ATE1: variants seen among roughly 807,000 people sequenced by gnomAD.
ATE1 encodes arginyl-tRNA--protein transferase 1.
In ATE1, 36 loss-of-function variants were observed where a neutral mutation model predicts 70.5. The observed-to-expected ratio is 0.51, with a 90% CI of 0.39 to 0.67. The LOEUF is 0.67. Ranked by LOEUF, ATE1 falls within the 30% of genes least tolerant of loss-of-function variation. The pLI is 0.00. For missense variants in ATE1, 593 were observed against 629.5 expected (o/e 0.94, Z 0.62); for synonymous variants, 232 against 219.3 (o/e 1.06, Z -0.51).
intron 7 of ATE1, among the ~76,000 whole-genome samples, chr10:121,874,970 C>T (rs1459283017): frequency 1.4e-5 from 2 of 148,146 alleles, no homozygotes; most frequent in African/African-American, 2.5e-5. Context: ...GAAACCCCAT[C>T]TCTACTAAAA....
rs543535745 is a variant in ATE1, at chr10:121,786,918, A to G, written c.1378+3251T>C. On this transcript the variant is annotated intron_variant, in intron 11 of 11. Transcript: ENST00000224652. ...TTCAGTTACTAATTTAAAAAATCTAACAGACTTTTACTTAAAAATCATTTG... is the reference window on the plus strand; with the variant it reads ...TTCAGTTACTAATTTAAAAAATCTAGCAGACTTTTACTTAAAAATCATTTG... 2.2e-4 allele frequency among the ~76,000 whole-genome samples: 34 copies of G among 152,326 alleles called. No homozygotes were observed. In the South Asian group the frequency reaches 6.6e-3, roughly 30 times the overall value.
At chr10:121,836,692 T>C (rs1948445551) in intron 10 of ATE1, 26 bp downstream of exon 10, 1 of 1,356,138 alleles carries the variant, frequency 7.4e-7, no homozygotes, top group Non-Finnish European at 1.0e-6. Flanking sequence ...ATAATAAAAA[T>C]ACACATATGT....
At chr10:121,851,005 G>C (rs1385345699) in intron 8 of ATE1, among the ~76,000 whole-genome samples, 2 of 143,406 alleles carry the variant, frequency 1.4e-5, no homozygotes, top group East Asian at 4.1e-4. Flanking sequence ...GCAGGAGAAT[G>C]GCGTGAACCT....
chr10:121,882,257 A>T (rs995342812), intron 7 of ATE1, among the ~76,000 whole-genome samples: 1 of 152,238 alleles, frequency 6.6e-6, no homozygotes, highest in Non-Finnish European at 1.5e-5. Flanking sequence ...ATGTTCTTTT[A>T]ATTCAGACGA....
Position 121,742,942 on chromosome 10 carries a change from GAAGTA to G in ATE1, c.*733_*737del, listed in dbSNP as rs1395089097. On this transcript the variant is annotated 3_prime_UTR_variant, in exon 12 of 12. Transcript: ENST00000224652. ...AAAAATTCAATTTCTTACATTTTTA[GAAGTA>G]AAGCAAATAATATAACTAGAGTAAT... The G allele has an allele frequency of 6.6e-6, 1 of 152,110 alleles. No homozygotes were observed. The highest frequency in any genetic ancestry group is 2.4e-5 in the African/African-American group (1 of 41,406). 9.4% of individuals were successfully genotyped at this position (152,110 alleles called of 1,614,324 possible).
intron 3 of ATE1, among the ~76,000 whole-genome samples, chr10:121,915,456 A>G (rs1038858939): frequency 6.6e-6 from 1 of 152,190 alleles, no homozygotes; most frequent in African/African-American, 2.4e-5. Flanking sequence ...AGAATAAAAA[A>G]TTTAAGAAAA....
chr10:121,785,127 G>C (rs1321902907), intron 11 of ATE1, among the ~76,000 whole-genome samples: 1 of 152,058 alleles, frequency 6.6e-6, no homozygotes, highest in East Asian at 1.9e-4. Flanking sequence ...TGTTTATTAA[G>C]TATTCAGCAA....
At chr10:121,802,330 A>G (rs2133383541) in intron 10 of ATE1, among the ~76,000 whole-genome samples, 1 of 148,652 alleles carries the variant, frequency 6.7e-6, no homozygotes, top group South Asian at 2.1e-4. Context: ...TTTTTTTTTA[A>G]GAGAATCTTG....
In ATE1 at chr10:121,742,895, A is replaced by C. The variant is rs1244752432; in HGVS notation, c.*785T>G. 6.6e-6 allele frequency: 1 copy of C among 152,266 alleles called. No individual in the cohort carries two copies. The highest frequency in any genetic ancestry group is 1.5e-5 in the Non-Finnish European group (1 of 68,040). 9.4% of individuals were successfully genotyped at this position (152,266 alleles called of 1,614,324 possible). A position where few individuals can be genotyped will look rare whatever the true frequency, so the allele number is the denominator to read the frequency against. ...CTTTGGATGAGACTTAGATCAAGGC[A>C]GGAACCAACATTTTTCTTTAAAAAA... On this transcript the variant is annotated 3_prime_UTR_variant, in exon 12 of 12. Coordinates refer to ENST00000224652, the MANE Select transcript of ATE1 (RefSeq NM_001001976.3).
At chr10:121,832,744 T>A (rs1948292029) in intron 10 of ATE1, among the ~76,000 whole-genome samples, 1 of 152,214 alleles carries the variant, frequency 6.6e-6, no homozygotes, top group African/African-American at 2.4e-5. Flanking sequence ...AGTTATATCT[T>A]TATCAGCAGC....
intron 8 of ATE1, among the ~76,000 whole-genome samples, chr10:121,842,523 A>G (rs1948667579): frequency 6.6e-6 from 1 of 152,194 alleles, no homozygotes; most frequent in Non-Finnish European, 1.5e-5. Flanking sequence ...AAAAAAATCA[A>G]GAAAATAAAT....
At chr10:121,919,024 G>A (rs1951773269) in intron 3 of ATE1, among the ~76,000 whole-genome samples, 1 of 144,932 alleles carries the variant, frequency 6.9e-6, no homozygotes. Context: ...CTATAAAATG[G>A]ACCAATCAGC....
chr10:121,788,899 A>G (rs551241904), intron 11 of ATE1, among the ~76,000 whole-genome samples: 1 of 152,354 alleles, frequency 6.6e-6, no homozygotes, highest in Admixed American at 6.5e-5. Context: ...TTACAAAGCC[A>G]CGGCTAAATG....
intron 8 of ATE1, among the ~76,000 whole-genome samples, chr10:121,858,660 A>ATATATATATAATATATATAT (rs1949344777): frequency 4.3e-5 from 6 of 139,216 alleles, no homozygotes; most frequent in South Asian, 2.2e-4. Context: ...TATACATATA[A>ATATATATATAATATATATAT]TATATATATA....
At chr10:121,775,023 C>A (rs1265111378) in intron 11 of ATE1, among the ~76,000 whole-genome samples, 4 of 152,130 alleles carry the variant, frequency 2.6e-5, no homozygotes, top group African/African-American at 7.2e-5. Context: ...AAACCAGACA[C>A]TTGGCAGACA....
chr10:121,791,931 G>C (rs569655517), intron 10 of ATE1, among the ~76,000 whole-genome samples: 2 of 152,272 alleles, frequency 1.3e-5, no homozygotes, highest in African/African-American at 4.8e-5. Flanking sequence ...CGACGGAAAG[G>C]CTCTATACCA....
chr10:121,869,843 A>G (rs562747552), intron 8 of ATE1, among the ~76,000 whole-genome samples, 163 bp downstream of exon 8: 4 of 151,236 alleles, frequency 2.6e-5, no homozygotes, highest in Non-Finnish European at 5.9e-5. Context: ...ACTTTTATCC[A>G]AAAAAAAAGC....
intron 1 of ATE1, among the ~76,000 whole-genome samples, chr10:121,925,538 T>C (rs908663174): frequency 1.5e-4 from 22 of 151,566 alleles, no homozygotes; most frequent in African/African-American, 5.3e-4. Flanking sequence ...CACGCAACTA[T>C]GAAAAAAAAC....
intron 11 of ATE1, among the ~76,000 whole-genome samples, chr10:121,755,248 T>TA (rs1347126716): frequency 6.6e-6 from 1 of 152,238 alleles, no homozygotes; most frequent in African/African-American, 2.4e-5. Flanking sequence ...ATCTCAATGT[T>TA]ACTTTCCTGG....
Sources: gnomAD v4.1 joint callset for allele counts (sites outside exome capture counted in the v4.1 genomes callset) on GRCh38, gnomAD v4.1.1 for gene constraint, MANE v1.5 for transcripts, NCBI Gene and HGNC (gene_info 2026-07-23, HGNC 2026-07-21) for gene names.